The following SLC44A5 variants were observed in gnomAD, a reference collection of about 807,000 sequenced individuals.
SLC44A5 encodes the protein choline transporter-like protein 5.
Under a neutral mutation model 101.8 loss-of-function variants are expected in SLC44A5, and 57 were observed. The observed-to-expected ratio is 0.56, with a 90% CI of 0.45 to 0.70. SLC44A5 has a LOEUF of 0.70. Ranked by LOEUF, SLC44A5 falls within the 30% of genes least tolerant of loss-of-function variation. SLC44A5 has a pLI of 0.00. For missense variants in SLC44A5, 737 were observed against 853.1 expected (o/e 0.86, Z 1.70); for synonymous variants, 281 against 290.9 (o/e 0.97, Z 0.35).
chr1:75,309,409 AGAGC>A (rs1349493445), intron 4 of SLC44A5, among the ~76,000 whole-genome samples: 1 of 152,226 alleles, frequency 6.6e-6, no homozygotes, highest in Non-Finnish European at 1.5e-5. Context: ...CCTAGGAAAC[AGAGC>A]GAGACCATTG....
intron 2 of SLC44A5, among the ~76,000 whole-genome samples, chr1:75,406,481 A>T (rs1570168625): frequency 6.6e-6 from 1 of 152,178 alleles, no homozygotes. Flanking sequence ...TGGCAAACCA[A>T]ATCCGGCAGC....
At chr1:75,492,831 G>C (rs1232970625) in intron 2 of SLC44A5, among the ~76,000 whole-genome samples, 1 of 152,148 alleles carries the variant, frequency 6.6e-6, no homozygotes, top group Non-Finnish European at 1.5e-5. Context: ...CCTGACCACA[G>C]TGCTACCATA....
At chr1:75,621,314 T>C in the SLC44A5 span, among the ~76,000 whole-genome samples, 1,611 of 152,266 alleles carry the variant, frequency 0.011, 20 homozygotes, top group Non-Finnish European at 0.011. Context: ...CGTATAATCA[T>C]TATTCTTAGA....
chr1:75,676,310 T>C, the SLC44A5 span, among the ~76,000 whole-genome samples: 3 of 152,158 alleles, frequency 2.0e-5, no homozygotes, highest in African/African-American at 7.2e-5. Flanking sequence ...TGCCCATCAA[T>C]GATAGACTCA....
intron 3 of SLC44A5, among the ~76,000 whole-genome samples, chr1:75,376,187 C>G (rs947907934): frequency 3.2e-4 from 49 of 152,254 alleles, no homozygotes; most frequent in Admixed American, 3.2e-3. Context: ...GAGGGTCCTA[C>G]GCCCATGGAG....
intron 4 of SLC44A5, among the ~76,000 whole-genome samples, chr1:75,320,203 A>G (rs541105881): frequency 1.3e-5 from 2 of 152,290 alleles, no homozygotes; most frequent in East Asian, 3.9e-4. Flanking sequence ...CAGCTGCCTC[A>G]AAGAAAACCA....
intron 2 of SLC44A5, among the ~76,000 whole-genome samples, chr1:75,462,876 A>G (rs957924182): frequency 2.0e-5 from 3 of 152,150 alleles, no homozygotes; most frequent in African/African-American, 7.2e-5. Flanking sequence ...AAAAAAATGA[A>G]GCACACCTGC....
intron 3 of SLC44A5, among the ~76,000 whole-genome samples, chr1:75,347,979 G>C (rs1157279740): frequency 6.6e-6 from 1 of 152,140 alleles, no homozygotes; most frequent in Admixed American, 6.6e-5. Flanking sequence ...TTGGAAGAGA[G>C]AGTGAAAGAC....
intron 5 of SLC44A5, among the ~76,000 whole-genome samples, chr1:75,297,021 C>T (rs1430505682): frequency 6.6e-6 from 1 of 152,092 alleles, no homozygotes; most frequent in Non-Finnish European, 1.5e-5. Context: ...AGCCTGTTGG[C>T]CAGGACTCCT....
At position 75,213,957 on chromosome 1, in the gene SLC44A5, A is replaced by G; in HGVS notation, c.1835T>C (p.Val612Ala). Reference sequence around the variant, plus strand: ...AACTAGAAGTTTCCCCAGGAATAATACAAAGTATGTAACTTCATCTGTAAC... The same window carrying G: ...AACTAGAAGTTTCCCCAGGAATAATGCAAAGTATGTAACTTCATCTGTAAC... ...VAVTDEVTYF[V>A]LFLGKLLVAG... The change falls in exon 21 of 24, where the codon GTA becomes GCA. Residue 612 changes from valine (V) to alanine (A), a missense_variant. This residue lies in a region of SLC44A5 where 665 missense variants were observed against 764.4 expected (regional missense o/e 0.87). Coordinates refer to ENST00000370859, the MANE Select transcript of SLC44A5 (RefSeq NM_001130058.2). The G allele has an allele frequency of 6.3e-7, 1 of 1,597,244 alleles. No individual in the cohort carries two copies. The highest frequency in any genetic ancestry group is 8.6e-7 in the Non-Finnish European group (1 of 1,168,988).
intron 2 of SLC44A5, among the ~76,000 whole-genome samples, chr1:75,439,780 A>C (rs1665093122): frequency 6.6e-6 from 1 of 152,178 alleles, no homozygotes; most frequent in South Asian, 2.1e-4. Context: ...ATACTGGAAA[A>C]GGTAATGGCA....
chr1:75,689,911 A>G, the SLC44A5 span, among the ~76,000 whole-genome samples: 2 of 152,102 alleles, frequency 1.3e-5, no homozygotes. Context: ...TGGTCATGCA[A>G]GGATTTCAAC....
chr1:75,702,197 C>T, the SLC44A5 span, among the ~76,000 whole-genome samples: 19 of 152,268 alleles, frequency 1.2e-4, no homozygotes, highest in African/African-American at 4.6e-4. Context: ...GCCCGCATTG[C>T]CAAGTCAATC....
the SLC44A5 span, among the ~76,000 whole-genome samples, chr1:75,685,014 C>A: frequency 6.6e-6 from 1 of 151,982 alleles, no homozygotes; most frequent in South Asian, 2.1e-4. Flanking sequence ...GAAATCGAGG[C>A]AGAGCTTCCC....
intron 2 of SLC44A5, among the ~76,000 whole-genome samples, chr1:75,484,712 C>T (rs1437631207): frequency 6.6e-6 from 1 of 152,220 alleles, no homozygotes; most frequent in Non-Finnish European, 1.5e-5. Flanking sequence ...AAGGGTTCCA[C>T]CCCAGCAGCA....
At chr1:75,715,448 G>A in the SLC44A5 span, among the ~76,000 whole-genome samples, 12 of 152,026 alleles carry the variant, frequency 7.9e-5, no homozygotes, top group Non-Finnish European at 1.3e-4. Flanking sequence ...AAAAACAGAC[G>A]TAAAGACCAA....
At chr1:75,206,602 C>G in intron 23 of SLC44A5, 1 of 1,565,570 alleles carries the variant, frequency 6.4e-7, no homozygotes, top group East Asian at 2.2e-5. Flanking sequence ...CTGTTTGGAG[C>G]TTTTCTACTC....
intron 6 of SLC44A5, among the ~76,000 whole-genome samples, chr1:75,258,495 G>C (rs1052013407): frequency 1.3e-5 from 2 of 152,066 alleles, no homozygotes; most frequent in Non-Finnish European, 2.9e-5. Context: ...TCTCTGGGCA[G>C]GGCATCTCTG....
At chr1:75,601,168 T>C (rs1022342399) in intron 1 of SLC44A5, among the ~76,000 whole-genome samples, 1 of 152,102 alleles carries the variant, frequency 6.6e-6, no homozygotes, top group Non-Finnish European at 1.5e-5. Flanking sequence ...ATAATACAGA[T>C]TCTAAAAACA....
Sources: gnomAD v4.1 joint callset for allele counts (sites outside exome capture counted in the v4.1 genomes callset) on GRCh38, gnomAD v4.1.1 for gene constraint, gnomAD v4.1.1 regional missense constraint, MANE v1.5 for transcripts, NCBI Gene and HGNC (gene_info 2026-07-23, HGNC 2026-07-21) for gene names.